C5orf63: variants seen among roughly 807,000 people sequenced by gnomAD.
The protein encoded by C5orf63 is glutaredoxin-like protein C5orf63.
In C5orf63, 18 loss-of-function variants were observed where a neutral mutation model predicts 13.3. The observed-to-expected ratio is 1.36, with a 90% CI of 0.94 to 2.01. The LOEUF (loss-of-function observed/expected upper bound fraction) is 2.01, where lower values mean the gene tolerates loss of function less well. Among genes scored for constraint, C5orf63 ranks in the 30% most tolerant of loss-of-function variants. The pLI, the probability that C5orf63 is intolerant of heterozygous loss-of-function variation, is 0.00. For missense variants in C5orf63, 118 were observed against 127.7 expected (o/e 0.92, Z 0.36); for synonymous variants, 38 against 44.7 (o/e 0.85, Z 0.60).
At chr5:127,070,501 C>A (rs1754497073) in intron 2 of C5orf63, among the ~76,000 whole-genome samples, 3 of 152,148 alleles carry the variant, frequency 2.0e-5, no homozygotes, top group Non-Finnish European at 4.4e-5. Flanking sequence ...TGTCCTATTA[C>A]AACACAAAAA....
At chr5:127,064,443 G>A (rs974836802) in intron 2 of C5orf63, among the ~76,000 whole-genome samples, 52 of 152,130 alleles carry the variant, frequency 3.4e-4, no homozygotes, top group Admixed American at 2.8e-3. Context: ...AAGATCCTGA[G>A]CTAACCACCC....
In C5orf63 at chr5:127,051,446, C is replaced by T. The variant is rs1314435334; in HGVS notation, c.*325G>A. 5 of 1,232,822 alleles carry T rather than the reference C, an allele frequency of 4.1e-6. No homozygotes were observed. Among genetic ancestry groups the T allele is most frequent in the Non-Finnish European group, 5.1e-6 (5 of 988,678 alleles). The allele number at this position is 1,232,822 out of a possible 1,614,324, so 76.4% of individuals were successfully genotyped here. On this transcript the variant is annotated 3_prime_UTR_variant, in exon 5 of 5. Coordinates refer to ENST00000296662, the MANE Select transcript of C5orf63 (RefSeq NM_001164478.2). The stretch of plus-strand genomic sequence containing the variant: ...AGCAGCAGGAATGCAGAACCTTCTT[C>T]CTATAAATGGCATTGCCCAGTGACT...
At chr5:127,062,570 GA>G (rs891623930) in intron 2 of C5orf63, among the ~76,000 whole-genome samples, 32 of 152,146 alleles carry the variant, frequency 2.1e-4, no homozygotes, top group South Asian at 6.2e-4. Flanking sequence ...ATCCTAGAAA[GA>G]AAAAAATAAA....
downstream of C5orf63, among the ~76,000 whole-genome samples, chr5:127,048,246 G>GACACACAC (rs71822352): frequency 2.7e-3 from 368 of 134,776 alleles, 2 homozygotes; most frequent in African/African-American, 8.8e-3. Flanking sequence ...GGTCCATGAG[G>GACACACAC]ACACACACAC....
At chr5:127,061,873 A>G (rs1250209599) in intron 2 of C5orf63, among the ~76,000 whole-genome samples, 1 of 152,236 alleles carries the variant, frequency 6.6e-6, no homozygotes, top group Non-Finnish European at 1.5e-5. Context: ...TCATTAAAGA[A>G]AAATTAGTTT....
In C5orf63 at chr5:127,051,304, T is replaced by C. The variant is rs1753663374; in HGVS notation, c.*467A>G. 2 of 1,229,378 alleles carry C rather than the reference T, an allele frequency of 1.6e-6. No homozygotes were observed. Among genetic ancestry groups the C allele is most frequent in the Non-Finnish European group, 2.0e-6 (2 of 986,498 alleles). 76.2% of individuals were successfully genotyped at this position (1,229,378 alleles called of 1,614,324 possible). Reference sequence around the variant, plus strand: ...CCACTGAATAGGCTTCATGCAGATGTATTCCTTAAAACATCGCTTTATTGA... The same window carrying C: ...CCACTGAATAGGCTTCATGCAGATGCATTCCTTAAAACATCGCTTTATTGA... On this transcript the variant is annotated 3_prime_UTR_variant, in exon 5 of 5. Coordinates refer to ENST00000296662, the MANE Select transcript of C5orf63 (RefSeq NM_001164478.2).
intron 2 of C5orf63, among the ~76,000 whole-genome samples, chr5:127,064,988 AT>A (rs796384972): frequency 8.0e-5 from 12 of 149,872 alleles, no homozygotes; most frequent in South Asian, 6.4e-4. Context: ...TAAGCCATTA[AT>A]TTTTTTTTTG....
intron 1 of C5orf63, 47 bp from the exon 2 acceptor site, chr5:127,071,732 A>G (rs1754550688): frequency 6.6e-6 from 1 of 152,198 alleles, no homozygotes; most frequent in Non-Finnish European, 1.5e-5. Flanking sequence ...AGGAACATAA[A>G]AACACCTCGC....
At chr5:127,066,532 T>C (rs1276017554) in intron 2 of C5orf63, among the ~76,000 whole-genome samples, 1 of 151,876 alleles carries the variant, frequency 6.6e-6, no homozygotes, top group Non-Finnish European at 1.5e-5. Flanking sequence ...GTTTTGGTCC[T>C]GAGCCTCTAG....
intron 2 of C5orf63, among the ~76,000 whole-genome samples, chr5:127,067,052 A>C (rs1378039759): frequency 1.3e-5 from 2 of 152,194 alleles, no homozygotes; most frequent in African/African-American, 2.4e-5. Flanking sequence ...AAAGGAATGA[A>C]ATCTTTCAAC....
In C5orf63 at chr5:127,052,648, C is replaced by A; in HGVS notation, c.136G>T (p.Glu46Ter). Residue 46 changes from glutamate (E) to a stop codon, truncating the protein, a stop_gained, in exon 4 of 5, where the codon GAA (glutamate) becomes TAA (stop). Coordinates refer to ENST00000296662, the MANE Select transcript of C5orf63 (RefSeq NM_001164478.2). LOFTEE classifies it high-confidence loss of function. ...FTKDPCPLCD[E>*]AKEVLKPYEN... ...TAAGGCTTGAGTACTTCCTTGGCTT[C>A]ATCACAAAGGGGGCATGGGTCCTAC... The A allele has an allele frequency of 6.6e-7, 1 of 1,510,810 alleles. No homozygotes were observed. 93.6% of individuals were successfully genotyped at this position (1,510,810 alleles called of 1,614,324 possible).
intron 2 of C5orf63, among the ~76,000 whole-genome samples, chr5:127,059,278 G>C (rs1754007152): frequency 6.6e-6 from 1 of 152,102 alleles, no homozygotes; most frequent in African/African-American, 2.4e-5. Flanking sequence ...AAACTGCATG[G>C]GTTTGTTAAT....
intron 2 of C5orf63, among the ~76,000 whole-genome samples, chr5:127,067,394 G>A (rs1049657463): frequency 1.3e-5 from 2 of 151,982 alleles, no homozygotes; most frequent in African/African-American, 2.4e-5. Flanking sequence ...TCAGAAATGC[G>A]GAATTGCAAA....
At chr5:127,058,816 A>G (rs1580529485) in intron 3 of C5orf63, 66 bp downstream of exon 3, 2 of 1,046,834 alleles carry the variant, frequency 1.9e-6, no homozygotes, top group East Asian at 5.2e-5. Context: ...TTTCCTTTCA[A>G]CTTTGTCCCT....
At position 127,058,847 on chromosome 5, in the gene C5orf63, T is replaced by C. The variant is rs1459344970; in HGVS notation, c.114+35A>G. The stretch of plus-strand genomic sequence containing the variant: ...TCCCTTTTTCTTAAATGTACAACTT[T>C]CTTCACCCAACAATTTTACTTTTTC... On this transcript the variant is annotated intron_variant, in intron 3 of 4. Coordinates refer to ENST00000296662, the MANE Select transcript of C5orf63 (RefSeq NM_001164478.2). 5.9e-6 allele frequency: 8 copies of C among 1,359,450 alleles called. No individual in the cohort carries two copies. The African/African-American group carries it at 8.7e-5, about 15-fold the overall frequency. The allele number at this position is 1,359,450 out of a possible 1,614,324, so 84.2% of individuals were successfully genotyped here.
At chr5:127,052,448 G>C (rs1433885279) in intron 4 of C5orf63, 165 bp downstream of exon 4, 4 of 464,098 alleles carry the variant, frequency 8.6e-6, no homozygotes, top group Non-Finnish European at 1.1e-5. Flanking sequence ...TAGGTGTAAT[G>C]AGTTTTATGG....
At chr5:127,052,307 T>C in intron 4 of C5orf63, 1 of 332,610 alleles carries the variant, frequency 3.0e-6, no homozygotes, top group Non-Finnish European at 5.4e-6. Context: ...AACACATCAG[T>C]GCAAACTGCA....
At chr5:127,057,607 T>C (rs1753935780) in intron 3 of C5orf63, among the ~76,000 whole-genome samples, 1 of 152,252 alleles carries the variant, frequency 6.6e-6, no homozygotes, top group African/African-American at 2.4e-5. Context: ...AAAACTTCCT[T>C]GCAACCCCCA....
At chr5:127,062,766 C>T (rs1561491512) in intron 2 of C5orf63, among the ~76,000 whole-genome samples, 1 of 152,072 alleles carries the variant, frequency 6.6e-6, no homozygotes, top group Non-Finnish European at 1.5e-5. Flanking sequence ...TATTTTTGAA[C>T]AGTATCTCAG....
Sources: allele counts gnomAD v4.1 joint callset (sites outside exome capture counted in the v4.1 genomes callset), GRCh38; gene constraint gnomAD v4.1.1; transcripts MANE v1.5; gene names NCBI Gene and HGNC (gene_info 2026-07-23, HGNC 2026-07-21).